ZNF385D: variants seen among roughly 807,000 people sequenced by gnomAD.
ZNF385D encodes zinc finger protein 385D.
A neutral mutation model predicts 35.8 loss-of-function variants in ZNF385D; 15 were observed. The observed-to-expected ratio is 0.42, with a 90% confidence interval of 0.28 to 0.64. The LOEUF (loss-of-function observed/expected upper bound fraction) is 0.64, where lower values mean the gene tolerates loss of function less well. Ranked by LOEUF, ZNF385D falls within the 30% of genes least tolerant of loss-of-function variation. The probability of loss-of-function intolerance (pLI) is 0.23; values close to 1 mark genes in which losing one functional copy is unlikely to be tolerated. For missense variants in ZNF385D, 474 were observed against 494.6 expected, an observed-to-expected ratio of 0.96 and a Z score of 0.39; for synonymous variants, 212 against 186.8, an observed-to-expected ratio of 1.13 and a Z score of -1.10.
intron 2 of ZNF385D, among the ~76,000 whole-genome samples, chr3:21,589,230 G>T (rs112332367): frequency 5.4e-4 from 83 of 152,304 alleles, no homozygotes; most frequent in African/African-American, 1.8e-3. Flanking sequence ...ACAGAAGGGA[G>T]CATGTCGCTG....
intron 3 of ZNF385D, among the ~76,000 whole-genome samples, chr3:22,083,007 T>G (rs902508914): frequency 2.6e-5 from 4 of 152,038 alleles, no homozygotes; most frequent in Non-Finnish European, 5.9e-5. Flanking sequence ...AAGAAAAACT[T>G]AACAAACAGA....
intron 3 of ZNF385D, among the ~76,000 whole-genome samples, chr3:21,836,063 G>C (rs1398397099): frequency 1.3e-5 from 2 of 151,976 alleles, no homozygotes; most frequent in African/African-American, 4.8e-5. Context: ...TCTACTGTTA[G>C]GTACACTGTT....
At chr3:22,148,355 T>A (rs1482660445) in intron 3 of ZNF385D, among the ~76,000 whole-genome samples, 2 of 152,202 alleles carry the variant, frequency 1.3e-5, no homozygotes, top group African/African-American at 4.8e-5. Context: ...CTGTAAACAC[T>A]TACCTGTGTT....
intron 3 of ZNF385D, among the ~76,000 whole-genome samples, chr3:21,811,209 T>G (rs2072906228): frequency 6.6e-6 from 1 of 152,148 alleles, no homozygotes; most frequent in African/African-American, 2.4e-5. Flanking sequence ...TAGCTTATTC[T>G]ATTAGAAATT....
At chr3:22,139,509 G>A (rs536404664) in intron 3 of ZNF385D, among the ~76,000 whole-genome samples, 107 of 151,768 alleles carry the variant, frequency 7.1e-4, no homozygotes, top group Admixed American at 3.6e-3. Flanking sequence ...GCAAACTATT[G>A]CAAGGACAAC....
intron 1 of ZNF385D, among the ~76,000 whole-genome samples, chr3:21,669,564 A>C (rs1348965112): frequency 6.6e-6 from 1 of 152,196 alleles, no homozygotes; most frequent in Admixed American, 6.5e-5. Context: ...TTTGAAAAGC[A>C]AATTAATATG....
At chr3:22,200,797 T>C (rs556283096) in intron 2 of ZNF385D, among the ~76,000 whole-genome samples, 71 of 152,236 alleles carry the variant, frequency 4.7e-4, no homozygotes, top group Non-Finnish European at 2.6e-4. Context: ...GGGATGTTCC[T>C]TGCTGAGAAA....
intron 2 of ZNF385D, among the ~76,000 whole-genome samples, chr3:21,628,612 T>C (rs1040148804): frequency 9.9e-5 from 15 of 152,242 alleles, no homozygotes; most frequent in African/African-American, 3.6e-4. Context: ...CAATTGTTGC[T>C]AAATTCCATT....
intron 4 of ZNF385D, among the ~76,000 whole-genome samples, chr3:21,485,046 T>C (rs1201212121): frequency 6.6e-6 from 1 of 152,172 alleles, no homozygotes; most frequent in Non-Finnish European, 1.5e-5. Flanking sequence ...TCCTAATGCT[T>C]GGCTTATGTG....
At chr3:21,807,596 A>G (rs551885979) in intron 3 of ZNF385D, among the ~76,000 whole-genome samples, 1 of 152,320 alleles carries the variant, frequency 6.6e-6, no homozygotes, top group African/African-American at 2.4e-5. Flanking sequence ...TATTCTCATT[A>G]TCCTTAGTAG....
intron 3 of ZNF385D, among the ~76,000 whole-genome samples, chr3:21,963,431 G>T (rs1023320272): frequency 6.6e-6 from 1 of 152,110 alleles, no homozygotes; most frequent in Non-Finnish European, 1.5e-5. Context: ...GAAAGAGTTC[G>T]CATCTTACTT....
chr3:22,284,557 T>G (rs998475577), intron 2 of ZNF385D, among the ~76,000 whole-genome samples: 6 of 151,962 alleles, frequency 3.9e-5, no homozygotes, highest in Admixed American at 3.9e-4. Flanking sequence ...AATTGTATGG[T>G]GGACCACAGA....
At chr3:22,235,447 G>C (rs1157438319) in intron 2 of ZNF385D, among the ~76,000 whole-genome samples, 1 of 152,004 alleles carries the variant, frequency 6.6e-6, no homozygotes, top group Non-Finnish European at 1.5e-5. Flanking sequence ...GGCACAAAAT[G>C]AAAGATCAAT....
intron 2 of ZNF385D, among the ~76,000 whole-genome samples, chr3:22,371,674 C>T (rs976129491): frequency 6.6e-6 from 1 of 152,128 alleles, no homozygotes; most frequent in Non-Finnish European, 1.5e-5. Flanking sequence ...TCCCAAAATG[C>T]AAGAGGTCAA....
At chr3:21,682,178 A>C (rs1007599913) in intron 1 of ZNF385D, among the ~76,000 whole-genome samples, 7 of 152,196 alleles carry the variant, frequency 4.6e-5, no homozygotes, top group African/African-American at 1.7e-4. Flanking sequence ...AGAAGAGCTG[A>C]ATCTTGGACA....
At chr3:21,856,668 C>T (rs1486552052) in intron 3 of ZNF385D, among the ~76,000 whole-genome samples, 2 of 152,004 alleles carry the variant, frequency 1.3e-5, no homozygotes, top group Non-Finnish European at 2.9e-5. Flanking sequence ...CATCGATACC[C>T]AGTCCAAGCC....
At chr3:21,443,920 G>A (rs563160274) in intron 4 of ZNF385D, among the ~76,000 whole-genome samples, 1 of 152,168 alleles carries the variant, frequency 6.6e-6, no homozygotes, top group African/African-American at 2.4e-5. Context: ...ATCTGTTTGA[G>A]GCAATTACAT....
chr3:21,909,908 A>T (rs774338712), intron 3 of ZNF385D, among the ~76,000 whole-genome samples: 1 of 152,178 alleles, frequency 6.6e-6, no homozygotes, highest in Middle Eastern at 3.4e-3. Context: ...ATCATTGTTG[A>T]TATATGGAAT....
At chr3:21,462,867 A>G (rs1399652991) in intron 4 of ZNF385D, among the ~76,000 whole-genome samples, 3 of 152,188 alleles carry the variant, frequency 2.0e-5, no homozygotes, top group Non-Finnish European at 2.9e-5. Context: ...CTGTAATCCC[A>G]GCTACTCAGG....
Sources: allele counts gnomAD v4.1 joint callset (sites outside exome capture counted in the v4.1 genomes callset), GRCh38; gene constraint gnomAD v4.1.1; transcripts MANE v1.5; gene names NCBI Gene and HGNC (gene_info 2026-07-23, HGNC 2026-07-21).